The following WDR64 variants were observed in gnomAD, a reference collection of about 807,000 sequenced individuals.
The protein encoded by WDR64 is WD repeat domain 64, also known as WD repeat-containing protein 64.
WDR64 carries 112 observed loss-of-function variants against 139.3 expected under a neutral mutation model. The observed-to-expected ratio is 0.80, with a 90% CI of 0.69 to 0.94. The LOEUF is 0.94. WDR64 is among the 40% of genes least tolerant of loss of function. WDR64 has a pLI of 0.00. For missense variants in WDR64, 1,206 were observed against 1,293.1 expected, an observed-to-expected ratio of 0.93 and a Z score of 1.03; for synonymous variants, 444 against 437.7, an observed-to-expected ratio of 1.01 and a Z score of -0.18.
chr1:241,714,389 A>G (rs1020879498), intron 9 of WDR64, among the ~76,000 whole-genome samples: 9 of 152,228 alleles, frequency 5.9e-5, no homozygotes, highest in Admixed American at 3.3e-4. Flanking sequence ...TAAAGGAGCC[A>G]TGATGTTTAA....
chr1:241,741,386 T>A, intron 11 of WDR64, 130 bp from the exon 12 acceptor site: 1 of 648,614 alleles, frequency 1.5e-6, no homozygotes, highest in African/African-American at 1.9e-5. Context: ...CTCATTACAT[T>A]TCCTAGGCAT....
intron 11 of WDR64, 104 bp downstream of exon 11, chr1:241,738,593 G>A: frequency 8.4e-7 from 1 of 1,183,742 alleles, no homozygotes; most frequent in Non-Finnish European, 1.1e-6. Flanking sequence ...AAACTAGAAG[G>A]GTAATTTATC....
intron 6 of WDR64, among the ~76,000 whole-genome samples, 152 bp downstream of exon 6, chr1:241,679,747 G>A (rs552869161): frequency 6.6e-6 from 1 of 152,284 alleles, no homozygotes; most frequent in South Asian, 2.1e-4. Context: ...AGTTCAGCAT[G>A]TATACTCTCT....
intron 2 of WDR64, among the ~76,000 whole-genome samples, chr1:241,668,897 CAAAA>C (rs71570905): frequency 7.4e-6 from 1 of 135,526 alleles, no homozygotes; most frequent in African/African-American, 2.7e-5. Context: ...AAGACTCCGT[CAAAA>C]AAAAAAAAAA....
At chr1:241,661,997 C>T (rs539142017) in intron 2 of WDR64, among the ~76,000 whole-genome samples, 14 of 151,982 alleles carry the variant, frequency 9.2e-5, no homozygotes, top group South Asian at 4.1e-4. Flanking sequence ...TAGCCCTTTT[C>T]GAAAAATGTT....
intron 13 of WDR64, 135 bp from the exon 14 acceptor site, chr1:241,749,412 C>G: frequency 5.2e-6 from 5 of 963,428 alleles, no homozygotes; most frequent in Non-Finnish European, 7.7e-6. Flanking sequence ...GGAAGACTCA[C>G]CCATCTGAGT....
At position 241,703,033 on chromosome 1, in the gene WDR64, C is replaced by T. The variant is rs757736325; in HGVS notation, c.975-8769C>T. Among the ~76,000 whole-genome samples the T allele has an allele frequency of 1.3e-5, 2 of 152,174 alleles. No homozygotes were observed. The highest frequency in any genetic ancestry group is 2.9e-5 in the Non-Finnish European group (2 of 68,010). On this transcript the variant is annotated intron_variant, in intron 8 of 27. Transcript: ENST00000437684. This position sits in a 1 kb window ranked among gnomAD's most constrained non-coding sequence, Gnocchi z 5.9. ...TATGGATCAATAAGAGGCAGTAATA[C>T]AGAGTTAGGGCCACTTTTTAAAAAT...
intron 10 of WDR64, among the ~76,000 whole-genome samples, chr1:241,728,488 T>C (rs1402762903): frequency 6.6e-6 from 1 of 152,194 alleles, no homozygotes; most frequent in Non-Finnish European, 1.5e-5. Context: ...GCAGAAAGCA[T>C]ATAAATCGCC....
At position 241,749,533 on chromosome 1, in the gene WDR64, C is replaced by G; in HGVS notation, c.1595-14C>G. 1 of 1,608,012 alleles carries G rather than the reference C, an allele frequency of 6.2e-7. No individual in the cohort carries two copies. Among genetic ancestry groups the G allele is most frequent in the Non-Finnish European group, 8.5e-7 (1 of 1,177,282 alleles). On this transcript the variant is annotated splice_polypyrimidine_tract_variant and intron_variant, in intron 13 of 27. Coordinates refer to ENST00000437684, the MANE Select transcript of WDR64 (RefSeq NM_001367482.1). ...TCATTTTTACCCACATAGTCTTTTTCTCTGTATGCTCAGGAACAGTCAGAA... is the reference window on the plus strand; with the variant it reads ...TCATTTTTACCCACATAGTCTTTTTGTCTGTATGCTCAGGAACAGTCAGAA...
intron 4 of WDR64, 29 bp from the exon 5 acceptor site, chr1:241,678,158 G>T: frequency 2.5e-6 from 1 of 398,830 alleles, no homozygotes; most frequent in Non-Finnish European, 4.4e-6. Context: ...TGCCAACTAG[G>T]TTTCATTATT....
chr1:241,727,997 G>A (rs191369346), intron 10 of WDR64, among the ~76,000 whole-genome samples: 21 of 152,044 alleles, frequency 1.4e-4, no homozygotes, highest in Non-Finnish European at 2.6e-4. Flanking sequence ...AACCAGCCCC[G>A]TGAAGATCTA....
chr1:241,769,379 C>A (rs1658328986), intron 16 of WDR64, 25 bp from the exon 17 acceptor site: 1 of 1,536,876 alleles, frequency 6.5e-7, no homozygotes, highest in Non-Finnish European at 8.8e-7. Flanking sequence ...AATTTTTTCT[C>A]ATATAAATGT....
At chr1:241,770,818 G>A (rs1658400623) in intron 18 of WDR64, 128 bp downstream of exon 18, 2 of 682,078 alleles carry the variant, frequency 2.9e-6, no homozygotes, top group South Asian at 5.2e-5. Flanking sequence ...GTGTGTGCAT[G>A]CTTATATGTA....
At chr1:241,675,782 G>C (rs1226559358) in intron 4 of WDR64, among the ~76,000 whole-genome samples, 1 of 152,202 alleles carries the variant, frequency 6.6e-6, no homozygotes, top group African/African-American at 2.4e-5. Context: ...ATTGTAGTGA[G>C]GGTCAAATGA....
chr1:241,784,726 C>A (rs768432868), intron 23 of WDR64, among the ~76,000 whole-genome samples: 4 of 151,722 alleles, frequency 2.6e-5, no homozygotes, highest in African/African-American at 4.8e-5. Flanking sequence ...GAGGCCGAGG[C>A]GGGTGGATCA....
At chr1:241,788,550 G>A (rs1021171686) in intron 24 of WDR64, among the ~76,000 whole-genome samples, 4 of 152,134 alleles carry the variant, frequency 2.6e-5, no homozygotes, top group South Asian at 4.1e-4. Flanking sequence ...AGGGAGCCAC[G>A]GAAGATGAGT....
chr1:241,778,595 T>G (rs185593256), intron 21 of WDR64, among the ~76,000 whole-genome samples: 129 of 152,332 alleles, frequency 8.5e-4, no homozygotes, highest in African/African-American at 3.0e-3. Flanking sequence ...TGTCTTCCAG[T>G]CTTTTTCTGC....
At position 241,660,462 on chromosome 1, in the gene WDR64, A is replaced by C. The variant is rs917431211; in HGVS notation, c.146-68A>C. 1.3e-5 allele frequency: 20 copies of C among 1,506,310 alleles called. No homozygotes were observed. In the East Asian group the frequency reaches 5.0e-4, roughly 37 times the overall value. 93.3% of individuals were successfully genotyped at this position (1,506,310 alleles called of 1,614,324 possible). A position where few individuals can be genotyped will look rare whatever the true frequency, so the allele number is the denominator to read the frequency against. ...AAAATACAAGGTGAGGAAATAAAAA[A>C]TGTAGCTGAAATACAAAAGGTAGTC... On this transcript the variant is annotated intron_variant, in intron 1 of 27. Coordinates refer to ENST00000437684, the MANE Select transcript of WDR64 (RefSeq NM_001367482.1).
intron 15 of WDR64, among the ~76,000 whole-genome samples, chr1:241,765,492 A>G (rs1658116812): frequency 1.3e-5 from 2 of 152,218 alleles, no homozygotes; most frequent in Admixed American, 1.3e-4. Flanking sequence ...GCAGAGACAC[A>G]GCAAAACCAG....
Sources: gnomAD v4.1 joint callset for allele counts (sites outside exome capture counted in the v4.1 genomes callset) on GRCh38, gnomAD v4.1.1 for gene constraint, Gnocchi (gnomAD v3.1) non-coding constraint, MANE v1.5 for transcripts, NCBI Gene and HGNC (gene_info 2026-07-23, HGNC 2026-07-21) for gene names.